FAM13C: variants seen among roughly 807,000 people sequenced by gnomAD.
FAM13C encodes the protein protein FAM13C.
In FAM13C, 37 loss-of-function variants were observed where a neutral mutation model predicts 73.2. The observed-to-expected ratio is 0.51, with a 90% confidence interval of 0.39 to 0.67. The LOEUF (loss-of-function observed/expected upper bound fraction) is 0.67. Ranked by LOEUF, FAM13C falls within the 30% of genes least tolerant of loss-of-function variation. The probability of loss-of-function intolerance (pLI) is 0.00; values close to 1 mark genes in which losing one functional copy is unlikely to be tolerated. For synonymous variants in FAM13C, 246 were observed against 260.9 expected, an observed-to-expected ratio of 0.94 and a Z score of 0.55; for missense variants, 589 against 715.6, an observed-to-expected ratio of 0.82 and a Z score of 2.02.
intron 5 of FAM13C, among the ~76,000 whole-genome samples, chr10:59,290,100 T>A (rs1365731946): frequency 6.6e-6 from 1 of 152,146 alleles, no homozygotes; most frequent in Non-Finnish European, 1.5e-5. Flanking sequence ...AAAAGCTAAT[T>A]TTTCCCATTT....
intron 10 of FAM13C, among the ~76,000 whole-genome samples, chr10:59,259,525 A>C (rs552481610): frequency 3.9e-5 from 6 of 152,250 alleles, no homozygotes; most frequent in Admixed American, 2.0e-4. Context: ...ACTCACACTG[A>C]GTGTAGTGGC....
chr10:59,316,347 TAAAG>T (rs1367642490), intron 4 of FAM13C, among the ~76,000 whole-genome samples: 2 of 152,154 alleles, frequency 1.3e-5, no homozygotes, highest in Non-Finnish European at 2.9e-5. Flanking sequence ...TGGATGCACA[TAAAG>T]ATATTGTTTT....
chr10:59,324,895 A>C (rs185101119), intron 3 of FAM13C, among the ~76,000 whole-genome samples: 5 of 151,028 alleles, frequency 3.3e-5, no homozygotes, highest in Admixed American at 3.3e-4. Context: ...GAATAAACAC[A>C]ATAAACACAC....
At chr10:59,262,413 T>C (rs1589374000) in intron 10 of FAM13C, 21 bp downstream of exon 10, 2 of 1,609,772 alleles carry the variant, frequency 1.2e-6, no homozygotes, top group Non-Finnish European at 1.7e-6. Context: ...GCCCTCTATA[T>C]AACAAGACAT....
intron 4 of FAM13C, among the ~76,000 whole-genome samples, chr10:59,306,358 G>A (rs551066177): frequency 1.3e-5 from 2 of 152,322 alleles, no homozygotes; most frequent in East Asian, 1.9e-4. Context: ...GAACAAGTTT[G>A]AGAACTGTAG....
intron 4 of FAM13C, among the ~76,000 whole-genome samples, chr10:59,308,187 C>G (rs1292773992): frequency 3.9e-5 from 6 of 152,178 alleles, no homozygotes; most frequent in Non-Finnish European, 5.9e-5. Context: ...ACTGTGCTAA[C>G]TCCAGTGTAA....
intron 8 of FAM13C, among the ~76,000 whole-genome samples, chr10:59,268,087 A>G (rs2133535541): frequency 6.6e-6 from 1 of 152,274 alleles, no homozygotes; most frequent in African/African-American, 2.4e-5. Flanking sequence ...GTCCTCATTC[A>G]CCAACAAGGA....
chr10:59,260,123 A>G (rs1156953025), intron 10 of FAM13C, among the ~76,000 whole-genome samples: 3 of 151,574 alleles, frequency 2.0e-5, no homozygotes, highest in African/African-American at 7.3e-5. Flanking sequence ...TGTCCTTTTG[A>G]TTCTACCTTC....
chr10:59,362,439 T>C lies in FAM13C; in HGVS notation c.22A>G (p.Ser8Gly). 6.2e-7 allele frequency: 1 copy of C among 1,613,966 alleles called. No homozygotes were observed. Among genetic ancestry groups the C allele is most frequent in the South Asian group, 1.1e-5 (1 of 90,972 alleles). MFSCFCF[S>G]LQDNSFSSTT... ...CTGCTGAAGGAATTATCCTGAAGGC[T>C]GAAACAGAAACAAGAAAACATCAGC... The change falls in exon 1 of 14, where the codon AGC (serine) becomes GGC (glycine). Residue 8 changes from serine (S) to glycine (G), a missense_variant. Coordinates refer to ENST00000618804, the MANE Select transcript of FAM13C (RefSeq NM_198215.4).
In FAM13C at chr10:59,247,139, T is replaced by C. The variant is rs1400726708; in HGVS notation, c.*475A>G. On this transcript the variant is annotated 3_prime_UTR_variant, in exon 14 of 14. Transcript: ENST00000618804. ...AAATGTTTTATCACTCAAAAATCCA[T>C]TAGAAGTTTCAAATAAATTGCTTTC... 1 of 157,472 alleles carries C rather than the reference T, an allele frequency of 6.4e-6. No homozygotes were observed. Among genetic ancestry groups the C allele is most frequent in the Non-Finnish European group, 1.4e-5 (1 of 71,794 alleles). The allele number at this position is 157,472 out of a possible 1,614,324, so 9.8% of individuals were successfully genotyped here.
intron 3 of FAM13C, among the ~76,000 whole-genome samples, chr10:59,333,512 A>T (rs934471881): frequency 6.6e-6 from 1 of 152,144 alleles, no homozygotes; most frequent in African/African-American, 2.4e-5. Context: ...AATAAAAATA[A>T]GTTTTAAAAT....
chr10:59,332,089 A>G (rs1382283284), intron 3 of FAM13C, among the ~76,000 whole-genome samples: 1 of 152,194 alleles, frequency 6.6e-6, no homozygotes, highest in Non-Finnish European at 1.5e-5. Flanking sequence ...CAGAGAGGGA[A>G]GAGAAAACTT....
At chr10:59,352,604 A>G in intron 2 of FAM13C, 130 bp from the exon 3 acceptor site, 2 of 866,516 alleles carry the variant, frequency 2.3e-6, no homozygotes, top group Non-Finnish European at 3.4e-6. Flanking sequence ...TTTTTAGCCT[A>G]CACTTAGACA....
chr10:59,317,122 C>T (rs916647152), intron 4 of FAM13C, among the ~76,000 whole-genome samples: 65 of 92,248 alleles, frequency 7.0e-4, no homozygotes, highest in African/African-American at 2.3e-3. Context: ...TGTCACTATA[C>T]ATAATGTGTG....
chr10:59,256,790 C>A (rs1841984757), intron 10 of FAM13C, among the ~76,000 whole-genome samples: 1 of 152,092 alleles, frequency 6.6e-6, no homozygotes, highest in Admixed American at 6.6e-5. Context: ...CTGCAGGATA[C>A]CCCAAATCTA....
intron 3 of FAM13C, among the ~76,000 whole-genome samples, chr10:59,329,998 T>C (rs1851752064): frequency 1.3e-5 from 2 of 152,196 alleles, no homozygotes; most frequent in African/African-American, 4.8e-5. Flanking sequence ...CTGACATTTG[T>C]GTATTTTAAG....
chr10:59,253,860 T>C (rs1001246397), intron 11 of FAM13C: 1 of 153,246 alleles, frequency 6.5e-6, no homozygotes, highest in Non-Finnish European at 1.5e-5. Flanking sequence ...GTAGCCTAAT[T>C]CAATTTCAGT....
chr10:59,268,990 G>C (rs552232782), intron 7 of FAM13C, among the ~76,000 whole-genome samples: 1 of 152,114 alleles, frequency 6.6e-6, no homozygotes, highest in Non-Finnish European at 1.5e-5. Flanking sequence ...GTACTGTTGA[G>C]GTTCTGTCCT....
intron 6 of FAM13C, among the ~76,000 whole-genome samples, chr10:59,276,017 G>T (rs970855420): frequency 6.6e-6 from 1 of 152,066 alleles, no homozygotes; most frequent in African/African-American, 2.4e-5. Context: ...TATGAAGATG[G>T]TTACAAAATC....
Sources: allele counts gnomAD v4.1 joint callset (sites outside exome capture counted in the v4.1 genomes callset), GRCh38; gene constraint gnomAD v4.1.1; transcripts MANE v1.5; gene names NCBI Gene and HGNC (gene_info 2026-07-23, HGNC 2026-07-21).